KCNQ3: variants seen among roughly 807,000 people sequenced by gnomAD.
The protein encoded by KCNQ3 is potassium voltage-gated channel subfamily Q member 3.
KCNQ3 carries 30 observed loss-of-function variants against 92.5 expected under a neutral mutation model. The ratio of observed to expected loss-of-function variants is 0.32; its 90% CI spans 0.24 to 0.44. KCNQ3 has a LOEUF of 0.44. Among genes scored for constraint, KCNQ3 ranks in the 20% least tolerant of loss-of-function variants. The pLI is 1.00. For synonymous variants in KCNQ3, 450 were observed against 468.8 expected (o/e 0.96, Z 0.52); for missense variants, 913 against 1,140.3 (o/e 0.80, Z 2.87).
chr8:132,147,143 A>G (rs561493606), intron 9 of KCNQ3, among the ~76,000 whole-genome samples: 1 of 152,330 alleles, frequency 6.6e-6, no homozygotes, highest in African/African-American at 2.4e-5. Context: ...AAAAGATGCT[A>G]CTGCTGTGGA....
intron 1 of KCNQ3, among the ~76,000 whole-genome samples, chr8:132,309,676 T>C (rs1817534042): frequency 6.6e-6 from 1 of 152,176 alleles, no homozygotes; most frequent in African/African-American, 2.4e-5. Context: ...AAGAATGAAC[T>C]AGTAACTGCA....
intron 1 of KCNQ3, among the ~76,000 whole-genome samples, chr8:132,293,236 G>C (rs566852102): frequency 2.0e-5 from 3 of 152,026 alleles, no homozygotes; most frequent in Non-Finnish European, 4.4e-5. Context: ...CAAATCAATC[G>C]AACTCAAAGA....
chr8:132,421,154 T>C (rs1242074961), intron 1 of KCNQ3, among the ~76,000 whole-genome samples: 2 of 152,224 alleles, frequency 1.3e-5, no homozygotes, highest in South Asian at 2.1e-4. Flanking sequence ...GATAAGTGTA[T>C]GTGCAGATGT....
At chr8:132,295,135 C>T (rs1255901666) in intron 1 of KCNQ3, among the ~76,000 whole-genome samples, 1 of 152,144 alleles carries the variant, frequency 6.6e-6, no homozygotes, top group Non-Finnish European at 1.5e-5. Context: ...TGCAATCTGT[C>T]CATCTGACAA....
At chr8:132,362,598 A>G (rs1310897609) in intron 1 of KCNQ3, among the ~76,000 whole-genome samples, 1 of 152,190 alleles carries the variant, frequency 6.6e-6, no homozygotes, top group East Asian at 1.9e-4. Flanking sequence ...GCTCCTGAGT[A>G]AGCCTCAGAA....
intron 1 of KCNQ3, among the ~76,000 whole-genome samples, chr8:132,372,759 C>CAA (rs749955464): frequency 0.023 from 1,570 of 67,410 alleles, 226 homozygotes; most frequent in African/African-American, 0.077. Context: ...GACTTTGTCT[C>CAA]AAAAAAAAAA....
intron 1 of KCNQ3, among the ~76,000 whole-genome samples, chr8:132,321,925 C>A (rs112668919): frequency 1.3e-5 from 2 of 152,170 alleles, no homozygotes; most frequent in Non-Finnish European, 2.9e-5. Context: ...TGTTCACAGT[C>A]CCCCCTACTG....
At chr8:132,198,738 T>C (rs56664029) in intron 1 of KCNQ3, among the ~76,000 whole-genome samples, 17,959 of 151,772 alleles carry the variant, frequency 0.12, 2,007 homozygotes, top group African/African-American at 0.29. Context: ...ACCCGGGAGG[T>C]AGAGGTTGCA....
At position 132,480,358 on chromosome 8, in the gene KCNQ3, C is replaced by A. The variant is rs374984158; in HGVS notation, c.175G>T (p.Ala59Ser). The A allele has an allele frequency of 1.4e-5, 22 of 1,590,728 alleles. No homozygotes were observed. Among genetic ancestry groups the A allele is most frequent in the Non-Finnish European group, 1.8e-5 (21 of 1,173,812 alleles). Residue 59 changes from alanine to serine, a missense_variant, in exon 1 of 15, where the codon GCC becomes TCC. Ala to Ser is a moderately conservative substitution (Grantham distance 99, BLOSUM62 1). This residue lies in a region of KCNQ3 where 183 missense variants were observed against 167.7 expected (regional missense o/e 1.09). Coordinates refer to ENST00000388996, the MANE Select transcript of KCNQ3 (RefSeq NM_004519.4). ...DVEQVTLALG[A>S]GADKDGTLLL... ...AGGGTCCCGTCTTTGTCGGCTCCGG[C>A]CCCGAGCGCCAAGGTGACTTGCTCC...
chr8:132,220,965 C>T (rs1164107392), intron 1 of KCNQ3, among the ~76,000 whole-genome samples: 2 of 152,094 alleles, frequency 1.3e-5, no homozygotes, highest in South Asian at 2.1e-4. Context: ...ATCCCTCCCC[C>T]TGCTCTCCAC....
At chr8:132,470,241 T>TGCCTGTCATC (rs1289162638) in intron 1 of KCNQ3, among the ~76,000 whole-genome samples, 1 of 152,186 alleles carries the variant, frequency 6.6e-6, no homozygotes, top group Non-Finnish European at 1.5e-5. Context: ...CTAAGGGCAA[T>TGCCTGTCATC]GCCTGTCATC....
intron 1 of KCNQ3, among the ~76,000 whole-genome samples, chr8:132,232,583 C>G (rs929931132): frequency 2.8e-4 from 42 of 152,222 alleles, no homozygotes; most frequent in African/African-American, 8.4e-4. Context: ...ACAACTAACA[C>G]AGTGGGCACA....
At chr8:132,367,006 C>T (rs547497984) in intron 1 of KCNQ3, among the ~76,000 whole-genome samples, 2 of 152,124 alleles carry the variant, frequency 1.3e-5, no homozygotes, top group Non-Finnish European at 2.9e-5. Flanking sequence ...ATCTGAGCTG[C>T]ACATCTTAAA....
rs12681576 is a variant in KCNQ3 at position 132,388,320 on chromosome 8, C to T, written c.386+91827G>A. Among the ~76,000 whole-genome samples the T allele has an allele frequency of 4.1e-4, 62 of 152,226 alleles. No individual in the cohort carries two copies. In the East Asian group the frequency reaches 0.01, roughly 25 times the overall value. On this transcript the variant is annotated intron_variant, in intron 1 of 14. Transcript: ENST00000388996. ...ATATGTATAAATATTCACACCTTGA[C>T]CAACTGACTCCACTTCTAGGAATAC...
chr8:132,264,425 G>GA (rs757398633), intron 1 of KCNQ3, among the ~76,000 whole-genome samples: 1 of 152,202 alleles, frequency 6.6e-6, no homozygotes, highest in Non-Finnish European at 1.5e-5. Context: ...TTCTGGTTGT[G>GA]AAAATACCTG....
intron 1 of KCNQ3, among the ~76,000 whole-genome samples, chr8:132,461,747 G>A (rs1167241985): frequency 6.6e-6 from 1 of 152,134 alleles, no homozygotes; most frequent in African/African-American, 2.4e-5. Flanking sequence ...ATATCTCATT[G>A]TTGTTTTAAT....
intron 1 of KCNQ3, among the ~76,000 whole-genome samples, chr8:132,346,045 G>A (rs978268501): frequency 4.6e-5 from 7 of 152,022 alleles, no homozygotes; most frequent in Non-Finnish European, 1.0e-4. Context: ...GGTCATGATG[G>A]TGATGGTGAT....
At chr8:132,206,972 TA>T in intron 1 of KCNQ3, among the ~76,000 whole-genome samples, 1 of 152,322 alleles carries the variant, frequency 6.6e-6, no homozygotes, top group East Asian at 1.9e-4. Flanking sequence ...TCCACTTAGT[TA>T]TAAAATATTC....
intron 1 of KCNQ3, among the ~76,000 whole-genome samples, chr8:132,318,525 A>G (rs1817805322): frequency 6.6e-6 from 1 of 152,214 alleles, no homozygotes; most frequent in African/African-American, 2.4e-5. Context: ...AGGGCTTGTC[A>G]TGCAGTTACT....
Sources: allele counts gnomAD v4.1 joint callset (sites outside exome capture counted in the v4.1 genomes callset), GRCh38; gene constraint gnomAD v4.1.1; regional missense constraint gnomAD v4.1.1; transcripts MANE v1.5; gene names NCBI Gene and HGNC (gene_info 2026-07-23, HGNC 2026-07-21).